Variants in GATA5 observed in about 807,000 individuals in gnomAD.
GATA5 encodes the protein GATA binding protein 5, also known as transcription factor GATA-5.
GATA5 carries 27 observed loss-of-function variants against 35.0 expected under a neutral mutation model. That is an observed-to-expected ratio of 0.77 (90% CI 0.57 to 1.06). The LOEUF (loss-of-function observed/expected upper bound fraction) is 1.06, where lower values mean the gene tolerates loss of function less well. GATA5 is among the 50% of genes least tolerant of loss of function. The pLI is 0.00. For missense variants in GATA5, 612 were observed against 580.0 expected, an observed-to-expected ratio of 1.06 and a Z score of -0.57; for synonymous variants, 306 against 267.8, an observed-to-expected ratio of 1.14 and a Z score of -1.39.
chr20:62,472,858 C>T (rs1443320220), intron 3 of GATA5, among the ~76,000 whole-genome samples: 1 of 152,162 alleles, frequency 6.6e-6, no homozygotes, highest in Non-Finnish European at 1.5e-5. Flanking sequence ...ACCTGGTGTC[C>T]CTGCGGTCCC....
In GATA5 at chr20:62,470,784, C is replaced by T. The variant is rs782117950; in HGVS notation, c.699+2619G>A. Among the ~76,000 whole-genome samples, 17 of 152,228 alleles carry T rather than the reference C, an allele frequency of 1.1e-4. No homozygotes were observed. The highest frequency in any genetic ancestry group is 2.1e-4 in the South Asian group (1 of 4,826). ...TGCTTGGGGCCCAAGAGCTCCCAAC[C>T]GTGTCCGAGCACAGAGCCAGACCAT... On this transcript the variant is annotated intron_variant, in intron 3 of 6. Coordinates refer to ENST00000252997, the MANE Select transcript of GATA5 (RefSeq NM_080473.5). This position sits in a 1 kb window ranked among gnomAD's most constrained non-coding sequence, Gnocchi z 4.6.
chr20:62,466,363 G>A (rs1203464986), intron 4 of GATA5, 63 bp downstream of exon 4: 19 of 1,498,238 alleles, frequency 1.3e-5, no homozygotes, highest in African/African-American at 5.5e-5. Context: ...CTGAGAGTGC[G>A]GACGGCGCTC....
rs1216745509 is a variant in GATA5 at position 62,471,448 on chromosome 20, T to TTTTTTTTTTTTTTTTTTG, written c.699+1954_699+1955insCAAAAAAAAAAAAAAAAA. On this transcript the variant is annotated intron_variant, in intron 3 of 6. Transcript: ENST00000252997. ...TCAATTACAATTTTTTTTTTTTTTTTTGTGATGAGGTCTTGCTCTGTTGCC... is the reference window on the plus strand; with the variant it reads ...TCAATTACAATTTTTTTTTTTTTTTTTTTTTTTTTTTTTTTTTGTGTGATGAGGTCTTGCTCTGTTGCC... Among the ~76,000 whole-genome samples, 27 of 142,364 alleles carry TTTTTTTTTTTTTTTTTTG rather than the reference T, an allele frequency of 1.9e-4. 2 individuals are homozygous for TTTTTTTTTTTTTTTTTTG. Among genetic ancestry groups the TTTTTTTTTTTTTTTTTTG allele is most frequent in the Non-Finnish European group, 3.2e-4 (21 of 64,856 alleles). 93.4% of individuals were successfully genotyped at this position (142,364 alleles called of 152,430 possible).
rs1413628130 is a variant in GATA5 at position 62,475,360 on chromosome 20, C to T, written c.162G>A (p.Gln54=). 1.3e-5 allele frequency: 17 copies of T among 1,263,958 alleles called. No homozygotes were observed. The highest frequency in any genetic ancestry group is 4.2e-5 in the Admixed American group (1 of 24,042). 78.3% of individuals were successfully genotyped at this position (1,263,958 alleles called of 1,614,324 possible). The change falls in exon 2 of 7, where the codon CAG becomes CAA. Residue 54 remains glutamine, a synonymous_variant. Coordinates refer to ENST00000252997, the MANE Select transcript of GATA5 (RefSeq NM_080473.5). ...SYLSGCEPSP[Q]PPELAARPGW... is the part of the protein sequence containing the mutation. ...CGGGGCGCGCAGCGAGCTCGGGGGG[C>T]TGCGGGCTCGGCTCACACCCGGACA...
In GATA5 at chr20:62,465,894, C is replaced by G; in HGVS notation, c.853G>C (p.Glu285Gln). ...GVPRPLAMKK[E>Q]SIQTRKRKPK... ...TTCCGCTTCCGTGTCTGGATGCTTT[C>G]CTTCTTCATAGCCAGAGGCCGCGGC... Residue 285 changes from glutamate (E) to glutamine (Q), a missense_variant, in exon 5 of 7, where the codon GAA (glutamate) becomes CAA (glutamine). Coordinates refer to ENST00000252997, the MANE Select transcript of GATA5 (RefSeq NM_080473.5). 1 of 1,598,906 alleles carries G rather than the reference C, an allele frequency of 6.3e-7. No individual in the cohort carries two copies. Among genetic ancestry groups the G allele is most frequent in the Non-Finnish European group, 8.5e-7 (1 of 1,172,770 alleles).
At position 62,466,558 on chromosome 20, in the gene GATA5, G is replaced by C; in HGVS notation, c.700-7C>G. Reference sequence around the variant, plus strand: ...CGGCGCGGCGGGACGAGGACTGTGGGGGCGAGGGAGACTGGAGTGAGCCCC... The same window carrying C: ...CGGCGCGGCGGGACGAGGACTGTGGCGGCGAGGGAGACTGGAGTGAGCCCC... On this transcript the variant is annotated splice_region_variant and splice_polypyrimidine_tract_variant and intron_variant, in intron 3 of 6. Transcript: ENST00000252997. 6.5e-7 allele frequency: 1 copy of C among 1,546,538 alleles called. No homozygotes were observed. The highest frequency in any genetic ancestry group is 8.7e-7 in the Non-Finnish European group (1 of 1,146,352).
rs573959530 is a variant in GATA5 at position 62,474,557 on chromosome 20, G to C, written c.523+442C>G. Among the ~76,000 whole-genome samples, 9 of 152,378 alleles carry C rather than the reference G, an allele frequency of 5.9e-5. No homozygotes were observed. In the East Asian group the frequency reaches 1.5e-3, roughly 26 times the overall value. Reference sequence around the variant, plus strand: ...AAGAGCCGCTCCCCTCACAGGCCGAGAATCCGATTCTCCAAACTGATACTC... The same window carrying C: ...AAGAGCCGCTCCCCTCACAGGCCGACAATCCGATTCTCCAAACTGATACTC... On this transcript the variant is annotated intron_variant, in intron 2 of 6. Coordinates refer to ENST00000252997, the MANE Select transcript of GATA5 (RefSeq NM_080473.5).
At position 62,466,409 on chromosome 20, in the gene GATA5, C is replaced by A; in HGVS notation, c.825+17G>T. The stretch of plus-strand genomic sequence containing the variant: ...TGGACAGAGGCCTCCCCGCCCTGCC[C>A]CGGGGACCACACTCACCCCGTGCAG... On this transcript the variant is annotated intron_variant, in intron 4 of 6. Transcript: ENST00000252997. The A allele has an allele frequency of 6.4e-7, 1 of 1,571,030 alleles. No homozygotes were observed. The highest frequency in any genetic ancestry group is 8.6e-7 in the Non-Finnish European group (1 of 1,158,588).
At chr20:62,473,051 GGGCTGAGCTCCT>G (rs1196774758) in intron 3 of GATA5, among the ~76,000 whole-genome samples, 1 of 152,174 alleles carries the variant, frequency 6.6e-6, no homozygotes, top group African/African-American at 2.4e-5. Context: ...CCGACTCGTA[GGGCTGAGCTCCT>G]GGCTCCTGGC....
chr20:62,475,110 A>T lies in GATA5; in HGVS notation c.412T>A (p.Tyr138Asn). Residue 138 changes from tyrosine to asparagine, a missense_variant, in exon 2 of 7, where the codon TAC (tyrosine) becomes AAC (asparagine). Physicochemically the swap from Tyr to Asn is moderately radical, Grantham distance 143. Transcript: ENST00000252997. ...APLGRPVGTSYSATYPAYVSP... is the reference protein window; with the variant it reads ...APLGRPVGTSNSATYPAYVSP... ...ACGTAGGCCGGGTAGGTGGCGGAGTACGAGGTCCCCACCGGCCGCCCAAGC... is the reference window on the plus strand; with the variant it reads ...ACGTAGGCCGGGTAGGTGGCGGAGTTCGAGGTCCCCACCGGCCGCCCAAGC... 1 of 1,392,016 alleles carries T rather than the reference A, an allele frequency of 7.2e-7. No homozygotes were observed. Among genetic ancestry groups the T allele is most frequent in the Non-Finnish European group, 9.3e-7 (1 of 1,069,610 alleles). 86.2% of individuals were successfully genotyped at this position (1,392,016 alleles called of 1,614,324 possible).
chr20:62,473,080 C>G (rs1204222935), intron 3 of GATA5, among the ~76,000 whole-genome samples: 1 of 152,212 alleles, frequency 6.6e-6, no homozygotes, highest in Non-Finnish European at 1.5e-5. Flanking sequence ...TGGCAGCAGG[C>G]CTTCTTGGAC....
chr20:62,469,233 T>G (rs1435348518), intron 3 of GATA5, among the ~76,000 whole-genome samples: 4 of 152,246 alleles, frequency 2.6e-5, no homozygotes, highest in Non-Finnish European at 5.9e-5. Context: ...TTCTGATACA[T>G]GATGAATCCT....
rs561811993 is a variant in GATA5 at position 62,465,582 on chromosome 20, C to A, written c.914-118G>T. Reference sequence around the variant, plus strand: ...GAGAGGTTTGGAGACTCCTCACGGTCACACCGCAGGCGTGGGTGGTGTGGC... The same window carrying A: ...GAGAGGTTTGGAGACTCCTCACGGTAACACCGCAGGCGTGGGTGGTGTGGC... On this transcript the variant is annotated intron_variant, in intron 5 of 6. Coordinates refer to ENST00000252997, the MANE Select transcript of GATA5 (RefSeq NM_080473.5). 71 of 1,356,310 alleles carry A rather than the reference C, an allele frequency of 5.2e-5. No individual in the cohort carries two copies. The South Asian group carries it at 9.7e-4, about 19-fold the overall frequency. The allele number at this position is 1,356,310 out of a possible 1,614,324, so 84.0% of individuals were successfully genotyped here. A position where few individuals can be genotyped will look rare whatever the true frequency, so the allele number is the denominator to read the frequency against.
intron 3 of GATA5, among the ~76,000 whole-genome samples, chr20:62,468,798 C>T (rs1220147104): frequency 2.0e-5 from 3 of 152,236 alleles, no homozygotes; most frequent in African/African-American, 2.4e-5. Context: ...CTTCTGCTCA[C>T]GCTGGAGGGC....
chr20:62,470,816 A>G lies in GATA5; in HGVS notation c.699+2587T>C, dbSNP rs1480755979. The stretch of plus-strand genomic sequence containing the variant: ...GAGCACAGAGCCAGACCATGGGGAG[A>G]GGGCACGGTGGTCCCTACCCTCCGA... On this transcript the variant is annotated intron_variant, in intron 3 of 6. Transcript: ENST00000252997. This position sits in a 1 kb window ranked among gnomAD's most constrained non-coding sequence, Gnocchi z 4.6. Among the ~76,000 whole-genome samples, 1 of 152,036 alleles carries G rather than the reference A, an allele frequency of 6.6e-6. No homozygotes were observed. The highest frequency in any genetic ancestry group is 1.5e-5 in the Non-Finnish European group (1 of 67,984).
rs1434827949 is a variant in GATA5, at chr20:62,464,552, C to T, written c.*284G>A. ...GGTGGTGCCCTGCGTTGGCCTCCGC[C>T]GCAGGGGGCCAGTGTGGTCCGGAGC... is the stretch of plus-strand genomic sequence containing the variant. On this transcript the variant is annotated 3_prime_UTR_variant, in exon 7 of 7. Coordinates refer to ENST00000252997, the MANE Select transcript of GATA5 (RefSeq NM_080473.5). The T allele has an allele frequency of 2.5e-5, 8 of 314,300 alleles. No individual in the cohort carries two copies. The highest frequency in any genetic ancestry group is 8.6e-5 in the African/African-American group (4 of 46,628). 19.5% of individuals were successfully genotyped at this position (314,300 alleles called of 1,614,324 possible).
chr20:62,475,346 G>T lies in GATA5; in HGVS notation c.176C>A (p.Ala59Asp). Residue 59 changes from alanine (A) to aspartate (D), a missense_variant, in exon 2 of 7, where the codon GCT becomes GAT. Transcript: ENST00000252997. ...TGTCTGCGCCCAGCCGGGGCGCGCA[G>T]CGAGCTCGGGGGGCTGCGGGCTCGG... ...CEPSPQPPEL[A>D]ARPGWAQTAT... The T allele has an allele frequency of 8.0e-7, 1 of 1,256,146 alleles. No homozygotes were observed. The allele number at this position is 1,256,146 out of a possible 1,614,324, so 77.8% of individuals were successfully genotyped here.
chr20:62,474,940 G>T, intron 2 of GATA5, 59 bp downstream of exon 2: 2 of 1,249,140 alleles, frequency 1.6e-6, no homozygotes, highest in South Asian at 2.7e-5. Context: ...GCAGGGTGCG[G>T]GTTTGCACCC....
rs1601520660 is a variant in GATA5 at position 62,475,302 on chromosome 20, C to A, written c.220G>T (p.Ala74Ser). 1 of 1,245,272 alleles carries A rather than the reference C, an allele frequency of 8.0e-7. No homozygotes were observed. 77.1% of individuals were successfully genotyped at this position (1,245,272 alleles called of 1,614,324 possible). The change falls in exon 2 of 7, where the codon GCC becomes TCC. Residue 74 changes from alanine to serine, a missense_variant. Coordinates refer to ENST00000252997, the MANE Select transcript of GATA5 (RefSeq NM_080473.5). The stretch of plus-strand genomic sequence containing the variant: ...GGGTGCGGACTGCCCGGGCCGAAGG[C>A]CGACGAATCCGCGGTGGCTGTCTGC... ...WAQTATADSSAFGPGSPHPPA... is the reference protein window; with the variant it reads ...WAQTATADSSSFGPGSPHPPA...
Sources: allele counts gnomAD v4.1 joint callset (sites outside exome capture counted in the v4.1 genomes callset), GRCh38; gene constraint gnomAD v4.1.1; non-coding constraint Gnocchi (gnomAD v3.1); transcripts MANE v1.5; gene names NCBI Gene and HGNC (gene_info 2026-07-23, HGNC 2026-07-21).